Variants in TMEM68 observed in about 807,000 individuals in gnomAD.
The protein encoded by TMEM68 is transmembrane protein 68, also known as DGAT1/2-independent enzyme synthesizing storage lipids.
TMEM68 carries 25 observed loss-of-function variants against 36.9 expected under a neutral mutation model. The observed-to-expected ratio is 0.68, with a 90% CI of 0.49 to 0.95. TMEM68 has a LOEUF of 0.95. Among genes scored for constraint, TMEM68 ranks in the 40% least tolerant of loss-of-function variants. The probability of loss-of-function intolerance (pLI) is 0.00; values close to 1 mark genes in which losing one functional copy is unlikely to be tolerated. For missense variants in TMEM68, 333 were observed against 392.0 expected (o/e 0.85, Z 1.27); for synonymous variants, 131 against 124.4 (o/e 1.05, Z -0.35).
intron 3 of TMEM68, among the ~76,000 whole-genome samples, chr8:55,759,190 CAGG>C (rs1176880217): frequency 3.6e-5 from 5 of 140,792 alleles, no homozygotes; most frequent in Non-Finnish European, 7.6e-5. Context: ...GAGGCCAAGG[CAGG>C]AGGATTGCTT....
rs1259578326 is a variant in TMEM68, at chr8:55,738,934, C to T, written c.*1198G>A. On this transcript the variant is annotated 3_prime_UTR_variant, in exon 8 of 8. Coordinates refer to ENST00000434581, the MANE Select transcript of TMEM68 (RefSeq NM_001286657.2). The stretch of plus-strand genomic sequence containing the variant: ...TACTTAAATTCAGTTTTCAAGAAGA[C>T]AACAAATTGAAAATCATTAATTTTT... The T allele has an allele frequency of 6.6e-6, 1 of 152,484 alleles. No homozygotes were observed. The highest frequency in any genetic ancestry group is 1.5e-5 in the Non-Finnish European group (1 of 68,010). 9.4% of individuals were successfully genotyped at this position (152,484 alleles called of 1,614,324 possible).
intron 6 of TMEM68, among the ~76,000 whole-genome samples, 199 bp downstream of exon 6, chr8:55,744,862 T>C (rs1481864698): frequency 2.6e-5 from 4 of 152,230 alleles, no homozygotes; most frequent in Non-Finnish European, 4.4e-5. Flanking sequence ...AGTGTGTATA[T>C]GTACTCTCAA....
intron 1 of TMEM68, among the ~76,000 whole-genome samples, chr8:55,770,303 A>G (rs1811114218): frequency 6.6e-6 from 1 of 152,114 alleles, no homozygotes; most frequent in Non-Finnish European, 1.5e-5. Flanking sequence ...TGTCTTCCCT[A>G]TACTTCTGCC....
chr8:55,754,587 C>A (rs1326985016), intron 4 of TMEM68, among the ~76,000 whole-genome samples: 6 of 129,896 alleles, frequency 4.6e-5, no homozygotes, highest in Admixed American at 2.7e-4. Flanking sequence ...ATATAAAATA[C>A]ATATATTATG....
At chr8:55,765,390 ATC>A (rs1233859981) in intron 1 of TMEM68, among the ~76,000 whole-genome samples, 2 of 152,224 alleles carry the variant, frequency 1.3e-5, no homozygotes, top group Non-Finnish European at 2.9e-5. Flanking sequence ...GACTCCAGTT[ATC>A]TGATACTGAC....
chr8:55,771,616 C>G (rs955027674), intron 1 of TMEM68, among the ~76,000 whole-genome samples: 7 of 151,362 alleles, frequency 4.6e-5, no homozygotes, highest in Non-Finnish European at 7.4e-5. Flanking sequence ...GATCCTGTCT[C>G]AAAAAAAATA....
intron 5 of TMEM68, chr8:55,746,444 T>G (rs1237627245): frequency 6.6e-6 from 1 of 151,388 alleles, no homozygotes; most frequent in Admixed American, 6.6e-5. Context: ...ATGAAAACCT[T>G]AAATACATAT....
intron 1 of TMEM68, among the ~76,000 whole-genome samples, chr8:55,769,313 A>C (rs13272787): frequency 0.91 from 113,626 of 124,786 alleles, 51,835 homozygotes; most frequent in East Asian, 0.99. Flanking sequence ...CAGAATGAGA[A>C]TCCCATCTCA....
At chr8:55,741,215 A>G (rs1380907155) in intron 7 of TMEM68, among the ~76,000 whole-genome samples, 1 of 152,166 alleles carries the variant, frequency 6.6e-6, no homozygotes, top group Non-Finnish European at 1.5e-5. Flanking sequence ...CTGGGCAACA[A>G]GAGTGAAACT....
intron 4 of TMEM68, among the ~76,000 whole-genome samples, chr8:55,755,618 T>C (rs1810580646): frequency 6.6e-6 from 1 of 151,764 alleles, no homozygotes; most frequent in South Asian, 2.1e-4. Context: ...CTAATTTTAA[T>C]TTGCTATCAA....
At chr8:55,763,129 A>T in intron 2 of TMEM68, 101 bp from the exon 3 acceptor site, 1 of 588,638 alleles carries the variant, frequency 1.7e-6, no homozygotes, top group Non-Finnish European at 2.7e-6. Context: ...TAATACCCAA[A>T]ATGAGTAGAT....
intron 3 of TMEM68, chr8:55,761,735 A>G (rs1810799555): frequency 6.6e-6 from 1 of 152,226 alleles, no homozygotes; most frequent in Admixed American, 6.5e-5. Flanking sequence ...ATGAAAATAC[A>G]TTAGTCTAAT....
chr8:55,744,992 G>A, intron 6 of TMEM68, 69 bp downstream of exon 6: 2 of 1,006,538 alleles, frequency 2.0e-6, no homozygotes, highest in South Asian at 3.7e-5. Context: ...AGGTTTCCTT[G>A]TAGGGTTCAA....
intron 1 of TMEM68, among the ~76,000 whole-genome samples, chr8:55,765,112 C>A (rs938939742): frequency 3.3e-5 from 5 of 152,024 alleles, no homozygotes; most frequent in African/African-American, 1.2e-4. Flanking sequence ...CTATAATTTA[C>A]CCATGTTTGA....
chr8:55,740,426 A>G (rs1684481684), intron 7 of TMEM68, among the ~76,000 whole-genome samples: 1 of 152,188 alleles, frequency 6.6e-6, no homozygotes, highest in African/African-American at 2.4e-5. Context: ...TTGGCCTTCC[A>G]ATGTGCTGGG....
At chr8:55,754,466 TACACACACACACACACACACACACAC>T (rs71256558) in intron 4 of TMEM68, among the ~76,000 whole-genome samples, 7 of 118,936 alleles carry the variant, frequency 5.9e-5, no homozygotes, top group Non-Finnish European at 8.1e-5. Context: ...TATATATATA[TACACACACACACACACACACACACAC>T]ATACATACAC....
chr8:55,746,317 CAAAAAAAA>C (rs376241142), intron 5 of TMEM68: 34 of 57,196 alleles, frequency 5.9e-4, no homozygotes, highest in Admixed American at 2.2e-3. Context: ...CACTGTCTCC[CAAAAAAAA>C]AAAAAAAAAA....
intron 4 of TMEM68, 64 bp downstream of exon 4, chr8:55,756,180 C>G (rs190046630): frequency 4.2e-4 from 612 of 1,448,354 alleles, no homozygotes; most frequent in Middle Eastern, 2.5e-3. Flanking sequence ...AGGATAGAGA[C>G]GACCACATAA....
At chr8:55,768,430 A>T (rs2130039955) in intron 1 of TMEM68, among the ~76,000 whole-genome samples, 1 of 152,302 alleles carries the variant, frequency 6.6e-6, no homozygotes, top group South Asian at 2.1e-4. Flanking sequence ...GCTTTAAGAC[A>T]GAGGCCAGGC....
Sources: gnomAD v4.1 joint callset for allele counts (sites outside exome capture counted in the v4.1 genomes callset) on GRCh38, gnomAD v4.1.1 for gene constraint, MANE v1.5 for transcripts, NCBI Gene and HGNC (gene_info 2026-07-23, HGNC 2026-07-21) for gene names.